TENM2: variants seen among roughly 807,000 people sequenced by gnomAD.
TENM2 encodes the protein teneurin transmembrane protein 2.
A neutral mutation model predicts 245.2 loss-of-function variants in TENM2; 52 were observed. That is an observed-to-expected ratio of 0.21 (90% CI 0.17 to 0.27). The LOEUF (loss-of-function observed/expected upper bound fraction) is 0.27, where lower values mean the gene tolerates loss of function less well. TENM2 is among the 10% of genes least tolerant of loss of function. The pLI is 1.00. For synonymous variants in TENM2, 1,363 were observed against 1,438.9 expected, an observed-to-expected ratio of 0.95 and a Z score of 1.19; for missense variants, 3,046 against 3,666.8, an observed-to-expected ratio of 0.83 and a Z score of 4.37.
intron 2 of TENM2, among the ~76,000 whole-genome samples, chr5:167,735,051 C>T (rs1760706749): frequency 6.6e-6 from 1 of 152,172 alleles, no homozygotes; most frequent in Non-Finnish European, 1.5e-5. Flanking sequence ...GAATCTGGCT[C>T]TTTTTGGAGA....
chr5:167,285,255 G>A (rs187087428), intron 1 of TENM2, among the ~76,000 whole-genome samples, 192 bp downstream of exon 3: 1 of 152,178 alleles, frequency 6.6e-6, no homozygotes, highest in Admixed American at 6.5e-5. Flanking sequence ...GATTATCTGT[G>A]GTTTCTCAAA....
At chr5:167,095,981 A>G in the TENM2 span, among the ~76,000 whole-genome samples, 1 of 152,138 alleles carries the variant, frequency 6.6e-6, no homozygotes, top group African/African-American at 2.4e-5. Flanking sequence ...CATGTTGACC[A>G]GGCTGGTCTT....
chr5:167,178,736 G>A, the TENM2 span, among the ~76,000 whole-genome samples: 23 of 152,208 alleles, frequency 1.5e-4, no homozygotes, highest in African/African-American at 4.6e-4. Flanking sequence ...ATTTCACAGC[G>A]TAAATGATAA....
intron 2 of TENM2, among the ~76,000 whole-genome samples, chr5:167,650,207 C>T (rs1386326351): frequency 6.6e-6 from 1 of 152,178 alleles, no homozygotes; most frequent in African/African-American, 2.4e-5. Context: ...AGAATTTCCA[C>T]TTTGCTTTGA....
chr5:168,239,001 C>T (rs1193149649), intron 25 of TENM2, among the ~76,000 whole-genome samples: 1 of 152,134 alleles, frequency 6.6e-6, no homozygotes, highest in African/African-American at 2.4e-5. Context: ...TTCAAAATAA[C>T]TTTTATGTTC....
chr5:167,967,508 T>A (rs1337509719), intron 4 of TENM2, among the ~76,000 whole-genome samples: 2 of 152,346 alleles, frequency 1.3e-5, no homozygotes, highest in African/African-American at 4.8e-5. Context: ...TGGAGGTACC[T>A]AAGGAGAAGC....
the TENM2 span, among the ~76,000 whole-genome samples, chr5:167,192,754 T>C: frequency 6.6e-6 from 1 of 152,076 alleles, no homozygotes; most frequent in African/African-American, 2.4e-5. Flanking sequence ...CTCACGGTAC[T>C]AACCCTTTGT....
chr5:167,319,954 G>T (rs555352518), intron 1 of TENM2, among the ~76,000 whole-genome samples: 2 of 152,212 alleles, frequency 1.3e-5, no homozygotes, highest in African/African-American at 4.8e-5. Context: ...AAAACCTCTG[G>T]TGTATGTCAG....
chr5:167,259,754 G>A, the TENM2 span, among the ~76,000 whole-genome samples: 2 of 151,844 alleles, frequency 1.3e-5, no homozygotes, highest in African/African-American at 4.8e-5. Flanking sequence ...GTATCCCCAG[G>A]CCCCTAAGAT....
intron 10 of TENM2, among the ~76,000 whole-genome samples, chr5:168,124,379 T>G (rs970651546): frequency 6.6e-6 from 1 of 152,248 alleles, no homozygotes; most frequent in Non-Finnish European, 1.5e-5. Context: ...TGTTACCTTT[T>G]GAAGTCAAGT....
At chr5:168,261,962 G>A in intron 28 of TENM2, 87 bp from the exon 31 acceptor site, 1 of 1,329,500 alleles carries the variant, frequency 7.5e-7, no homozygotes, top group Non-Finnish European at 1.0e-6. Flanking sequence ...TCTTGCAGGA[G>A]AGTTCCAAGC....
At chr5:167,352,258 C>G (rs1389861512) in intron 1 of TENM2, among the ~76,000 whole-genome samples, 1 of 152,152 alleles carries the variant, frequency 6.6e-6, no homozygotes, top group Admixed American at 6.5e-5. Flanking sequence ...CCACAGGCCC[C>G]CACTGTTCCT....
intron 4 of TENM2, among the ~76,000 whole-genome samples, chr5:167,990,229 C>A (rs773771721): frequency 1.7e-4 from 26 of 152,178 alleles, no homozygotes; most frequent in Non-Finnish European, 2.9e-4. Flanking sequence ...TGTTATAAGG[C>A]AGCAGACTAT....
chr5:167,509,684 TTGAC>T (rs1385432530), intron 2 of TENM2, among the ~76,000 whole-genome samples: 3 of 152,172 alleles, frequency 2.0e-5, no homozygotes, highest in East Asian at 1.9e-4. Flanking sequence ...AGAGCGAACA[TTGAC>T]TGAGCACTTA....
intron 12 of TENM2, among the ~76,000 whole-genome samples, chr5:168,134,504 A>C (rs961707605): frequency 6.6e-6 from 1 of 152,008 alleles, no homozygotes; most frequent in African/African-American, 2.4e-5. Context: ...TGGACAACAT[A>C]GTGAAACCCC....
chr5:168,078,098 T>G (rs1791642918), intron 7 of TENM2, among the ~76,000 whole-genome samples: 1 of 152,230 alleles, frequency 6.6e-6, no homozygotes, highest in African/African-American at 2.4e-5. Context: ...CGTTGTTTCC[T>G]GATTTTTTAA....
chr5:167,838,231 C>A (rs889583184), intron 2 of TENM2, among the ~76,000 whole-genome samples: 1 of 152,154 alleles, frequency 6.6e-6, no homozygotes, highest in Non-Finnish European at 1.5e-5. Flanking sequence ...AATCTATTTC[C>A]AATGTTGGGA....
the TENM2 span, among the ~76,000 whole-genome samples, chr5:167,084,366 T>TATATATATATACACAC: frequency 1.7e-5 from 2 of 114,898 alleles, no homozygotes; most frequent in African/African-American, 3.1e-5. Flanking sequence ...TATATATATA[T>TATATATATATACACAC]ACAGATCAGA....
the TENM2 span, among the ~76,000 whole-genome samples, chr5:167,161,249 T>G: frequency 2.6e-5 from 4 of 152,172 alleles, no homozygotes; most frequent in African/African-American, 9.7e-5. Context: ...TGCATGAAAA[T>G]AATATTTTGT....
Sources: allele counts gnomAD v4.1 joint callset (sites outside exome capture counted in the v4.1 genomes callset), GRCh38; gene constraint gnomAD v4.1.1; transcripts MANE v1.5; gene names NCBI Gene and HGNC (gene_info 2026-07-23, HGNC 2026-07-21).